Variants in CACNA2D3 observed in about 807,000 individuals in gnomAD.
CACNA2D3 encodes calcium voltage-gated channel auxiliary subunit alpha2delta 3.
In CACNA2D3, 60 loss-of-function variants were observed where a neutral mutation model predicts 160.6. That is an observed-to-expected ratio of 0.37 (90% CI 0.30 to 0.46). The LOEUF (loss-of-function observed/expected upper bound fraction) is 0.46, where lower values mean the gene tolerates loss of function less well. Among genes scored for constraint, CACNA2D3 ranks in the 20% least tolerant of loss-of-function variants. The pLI is 1.00. For synonymous variants in CACNA2D3, 558 were observed against 492.9 expected (o/e 1.13, Z -1.75); for missense variants, 1,205 against 1,365.0 (o/e 0.88, Z 1.85).
chr3:54,158,277 T>C (rs1260154624), intron 2 of CACNA2D3, among the ~76,000 whole-genome samples: 1 of 152,210 alleles, frequency 6.6e-6, no homozygotes, highest in East Asian at 1.9e-4. Flanking sequence ...TTAGCTCCTT[T>C]TGTGAGCTAT....
chr3:54,266,900 A>G (rs1479408776), intron 2 of CACNA2D3, among the ~76,000 whole-genome samples: 1 of 152,062 alleles, frequency 6.6e-6, no homozygotes, highest in East Asian at 1.9e-4. Context: ...TAGGGAGAGC[A>G]TGGAGGGGAC....
chr3:54,688,979 CAA>C (rs1162900126), intron 11 of CACNA2D3, among the ~76,000 whole-genome samples: 8,169 of 30,964 alleles, frequency 0.26, 976 homozygotes, highest in Non-Finnish European at 0.36. Flanking sequence ...GAGACTGTCT[CAA>C]AAAAAAAAAA....
At chr3:54,644,584 T>G (rs901337635) in intron 11 of CACNA2D3, among the ~76,000 whole-genome samples, 43 of 152,332 alleles carry the variant, frequency 2.8e-4, no homozygotes, top group African/African-American at 9.6e-4. Context: ...AGTTGTGCCA[T>G]GTTGTAATTG....
chr3:54,725,796 G>A (rs900792844), intron 11 of CACNA2D3, among the ~76,000 whole-genome samples: 9 of 152,008 alleles, frequency 5.9e-5, no homozygotes, highest in South Asian at 4.1e-4. Flanking sequence ...ACAGACCCAC[G>A]TCCAATATCA....
intron 4 of CACNA2D3, among the ~76,000 whole-genome samples, chr3:54,497,806 G>T (rs1486923550): frequency 6.6e-6 from 1 of 151,834 alleles, no homozygotes; most frequent in Non-Finnish European, 1.5e-5. Context: ...TTTTTATGAT[G>T]AACAAAAATT....
intron 11 of CACNA2D3, among the ~76,000 whole-genome samples, chr3:54,687,541 T>A (rs1345682387): frequency 6.6e-6 from 1 of 152,274 alleles, no homozygotes; most frequent in African/African-American, 2.4e-5. Context: ...GAAATTGATC[T>A]TCTGAAAGCT....
intron 4 of CACNA2D3, among the ~76,000 whole-genome samples, chr3:54,462,954 C>G (rs9990364): frequency 0.049 from 7,346 of 149,390 alleles, 637 homozygotes; most frequent in African/African-American, 0.17. Context: ...TTCAGGAGCT[C>G]TTTTAGGGCA....
chr3:54,347,001 G>A (rs1431835105), intron 3 of CACNA2D3, among the ~76,000 whole-genome samples: 1 of 152,194 alleles, frequency 6.6e-6, no homozygotes, highest in Non-Finnish European at 1.5e-5. Context: ...ATTTATAATG[G>A]GTTTAGATTC....
intron 3 of CACNA2D3, among the ~76,000 whole-genome samples, chr3:54,365,498 C>G (rs1310892751): frequency 6.6e-6 from 1 of 152,210 alleles, no homozygotes; most frequent in Non-Finnish European, 1.5e-5. Context: ...CTGCCTCTTT[C>G]TCTCCTACAT....
At chr3:54,811,342 G>A (rs991043413) in intron 13 of CACNA2D3, among the ~76,000 whole-genome samples, 3 of 151,854 alleles carry the variant, frequency 2.0e-5, no homozygotes, top group Non-Finnish European at 2.9e-5. Flanking sequence ...AACCTTGGCC[G>A]CATCTTTTAT....
chr3:54,147,717 A>G (rs1700062314), intron 2 of CACNA2D3, among the ~76,000 whole-genome samples: 1 of 152,196 alleles, frequency 6.6e-6, no homozygotes, highest in Admixed American at 6.5e-5. Context: ...GCCCTGTATT[A>G]CTGTTTGCTT....
At chr3:54,987,620 T>G in intron 30 of CACNA2D3, 63 bp from the exon 31 acceptor site, 1 of 1,074,848 alleles carries the variant, frequency 9.3e-7, no homozygotes, top group Non-Finnish European at 1.4e-6. Flanking sequence ...CCCTTTTCAT[T>G]TCTTCTCTCC....
chr3:54,954,767 T>C (rs991486889), intron 27 of CACNA2D3, among the ~76,000 whole-genome samples: 2 of 152,158 alleles, frequency 1.3e-5, no homozygotes, highest in Admixed American at 1.3e-4. Context: ...GTGTCCTCCC[T>C]TCCCTGAGGC....
At chr3:54,799,476 C>G (rs948126739) in intron 13 of CACNA2D3, among the ~76,000 whole-genome samples, 2 of 151,918 alleles carry the variant, frequency 1.3e-5, no homozygotes, top group Non-Finnish European at 1.5e-5. Context: ...CTTGGGGGCC[C>G]GGTATTTCTA....
Position 54,638,889 on chromosome 3 carries a change from A to G in CACNA2D3, c.1054-3239A>G, listed in dbSNP as rs559536115. On this transcript the variant is annotated intron_variant, in intron 10 of 37. Transcript: ENST00000474759. ...TAGATTTTAGGTCAGGTGAGAATTGAAGAGATTTTAAGTTCTTAAGAATAC... is the reference window on the plus strand; with the variant it reads ...TAGATTTTAGGTCAGGTGAGAATTGGAGAGATTTTAAGTTCTTAAGAATAC... 3 of 152,094 alleles carry G rather than the reference A, an allele frequency of 2.0e-5. No individual in the cohort carries two copies. The East Asian group carries it at 5.8e-4, about 29-fold the overall frequency. 9.4% of individuals were successfully genotyped at this position (152,094 alleles called of 1,614,324 possible).
chr3:54,496,753 A>G (rs565626968), intron 4 of CACNA2D3, among the ~76,000 whole-genome samples: 1 of 152,266 alleles, frequency 6.6e-6, no homozygotes, highest in East Asian at 1.9e-4. Context: ...TCCTAGAAAT[A>G]TTACAGATTT....
intron 8 of CACNA2D3, among the ~76,000 whole-genome samples, chr3:54,573,719 G>A (rs1702535790): frequency 6.6e-6 from 1 of 152,100 alleles, no homozygotes; most frequent in Admixed American, 6.5e-5. Context: ...TACCAAACAG[G>A]GCATAATGTT....
chr3:54,838,398 G>A (rs1438657811), intron 15 of CACNA2D3, among the ~76,000 whole-genome samples, 170 bp from the exon 16 acceptor site: 1 of 152,142 alleles, frequency 6.6e-6, no homozygotes, highest in African/African-American at 2.4e-5. Flanking sequence ...GTAACATTTT[G>A]GGTGGAGGGT....
chr3:54,292,744 A>G (rs1222141043), intron 2 of CACNA2D3, among the ~76,000 whole-genome samples: 2 of 152,212 alleles, frequency 1.3e-5, no homozygotes, highest in Non-Finnish European at 2.9e-5. Context: ...AAAATGGTAT[A>G]GCTGCTGTGG....
Sources: allele counts gnomAD v4.1 joint callset (sites outside exome capture counted in the v4.1 genomes callset), GRCh38; gene constraint gnomAD v4.1.1; transcripts MANE v1.5; gene names NCBI Gene and HGNC (gene_info 2026-07-23, HGNC 2026-07-21).